The following APLF variants were observed in gnomAD, a reference collection of about 807,000 sequenced individuals.
The protein encoded by APLF is aprataxin and PNK-like factor.
APLF carries 61 observed loss-of-function variants against 55.6 expected under a neutral mutation model. The ratio of observed to expected loss-of-function variants is 1.10; its 90% CI spans 0.89 to 1.36. The LOEUF is 1.36. APLF is among the 40% of genes most tolerant of loss of function. APLF has a pLI of 0.00. For missense variants in APLF, 611 were observed against 602.5 expected (o/e 1.01, Z -0.15); for synonymous variants, 207 against 214.8 (o/e 0.96, Z 0.32).
At chr2:68,467,852 G>A (rs1411440281) in intron 1 of APLF, 25 bp downstream of exon 1, 25 of 1,230,548 alleles carry the variant, frequency 2.0e-5, no homozygotes, top group Non-Finnish European at 2.5e-5. Flanking sequence ...GGGCTTAGCG[G>A]ACCCCGAGAG....
intron 2 of APLF, among the ~76,000 whole-genome samples, chr2:68,495,918 G>T (rs1043795520): frequency 5.9e-5 from 9 of 152,186 alleles, no homozygotes; most frequent in African/African-American, 2.2e-4. Context: ...CCAGAGCAGT[G>T]GGAATATGGA....
At position 68,526,196 on chromosome 2, in the gene APLF, A is replaced by G; in HGVS notation, c.758A>G (p.Glu253Gly). ...ENTSAEQDTGEECKNTDQEES... is the reference protein window; with the variant it reads ...ENTSAEQDTGGECKNTDQEES... ...ACATCAGCAGAACAAGACACAGGAGAAGAGTGCAAAAATACTGATCAGGAA... is the reference window on the plus strand; with the variant it reads ...ACATCAGCAGAACAAGACACAGGAGGAGAGTGCAAAAATACTGATCAGGAA... Residue 253 changes from glutamate to glycine, a missense_variant, in exon 6 of 10, where the codon GAA (glutamate) becomes GGA (glycine). Glu to Gly is a moderately conservative substitution (Grantham distance 98). Transcript: ENST00000303795. 6.2e-7 allele frequency: 1 copy of G among 1,613,450 alleles called. No individual in the cohort carries two copies. Among genetic ancestry groups the G allele is most frequent in the East Asian group, 2.2e-5 (1 of 44,838 alleles).
At chr2:68,480,339 C>G (rs184155572) in intron 1 of APLF, among the ~76,000 whole-genome samples, 20 of 149,496 alleles carry the variant, frequency 1.3e-4, no homozygotes, top group African/African-American at 4.9e-4. Context: ...GAGTTTCACT[C>G]TGCCACCCAG....
intron 2 of APLF, among the ~76,000 whole-genome samples, chr2:68,492,843 T>C (rs1447071447): frequency 6.6e-6 from 1 of 152,216 alleles, no homozygotes; most frequent in African/African-American, 2.4e-5. Flanking sequence ...TACCTCTGTT[T>C]ATGATCTTTT....
intron 1 of APLF, among the ~76,000 whole-genome samples, chr2:68,489,732 T>C (rs1484765674): frequency 6.6e-6 from 1 of 152,226 alleles, no homozygotes; most frequent in African/African-American, 2.4e-5. Flanking sequence ...CCAAAGCCTA[T>C]AGTCAGACCC....
At chr2:68,482,619 G>A (rs1675999283) in intron 1 of APLF, among the ~76,000 whole-genome samples, 1 of 152,154 alleles carries the variant, frequency 6.6e-6, no homozygotes. Flanking sequence ...TTAGGGTGCA[G>A]ACATGTTGTG....
chr2:68,537,802 GTGCTGTTA>G, intron 6 of APLF, 62 bp from the exon 7 acceptor site: 1 of 1,123,072 alleles, frequency 8.9e-7, no homozygotes, highest in Non-Finnish European at 1.3e-6. Flanking sequence ...TTGTAGTTTT[GTGCTGTTA>G]TGCTCATATC....
At chr2:68,546,416 T>A (rs558116063) in intron 8 of APLF, among the ~76,000 whole-genome samples, 36 of 152,020 alleles carry the variant, frequency 2.4e-4, no homozygotes, top group Middle Eastern at 3.4e-3. Flanking sequence ...ATTCATGATG[T>A]GAGACCAGCA....
chr2:68,530,845 A>G (rs1670233048), intron 6 of APLF, among the ~76,000 whole-genome samples: 1 of 152,098 alleles, frequency 6.6e-6, no homozygotes, highest in Non-Finnish European at 1.5e-5. Context: ...GAAACCATCT[A>G]TATTCAAAGA....
intron 8 of APLF, among the ~76,000 whole-genome samples, chr2:68,565,708 A>T (rs1385554398): frequency 6.6e-6 from 1 of 152,124 alleles, no homozygotes; most frequent in Non-Finnish European, 1.5e-5. Context: ...GGAGGAAAAA[A>T]TGCAATATTT....
intron 8 of APLF, 77 bp downstream of exon 8, chr2:68,545,389 C>T: frequency 6.8e-7 from 1 of 1,472,396 alleles, no homozygotes. Context: ...CTGACAGCAG[C>T]TTGTTATCTC....
intron 5 of APLF, among the ~76,000 whole-genome samples, chr2:68,518,293 A>C (rs1268760680): frequency 8.7e-6 from 1 of 115,490 alleles, no homozygotes; most frequent in African/African-American, 3.5e-5. Flanking sequence ...ATATTAATAT[A>C]TTAATATATT....
Position 68,480,355 on chromosome 2 carries a change from A to C in APLF, c.97-9835A>C, listed in dbSNP as rs567808594. ...AGTTTCACTCTGCCACCCAGGCTGG[A>C]GTGCGGTGGCATGATCTCGGCTCAC... On this transcript the variant is annotated intron_variant, in intron 1 of 9. Transcript: ENST00000303795. 2.0e-5 allele frequency among the ~76,000 whole-genome samples: 3 copies of C among 147,796 alleles called. No homozygotes were observed. The South Asian group carries it at 6.4e-4, about 32-fold the overall frequency.
At chr2:68,475,923 A>C (rs1675758070) in intron 1 of APLF, among the ~76,000 whole-genome samples, 1 of 151,602 alleles carries the variant, frequency 6.6e-6, no homozygotes, top group Non-Finnish European at 1.5e-5. Flanking sequence ...GCTCCACAAA[A>C]GTAGAAGGAA....
At chr2:68,550,530 C>G (rs762891649) in intron 8 of APLF, among the ~76,000 whole-genome samples, 1 of 152,042 alleles carries the variant, frequency 6.6e-6, no homozygotes, top group African/African-American at 2.4e-5. Context: ...CCACACCAAC[C>G]CCATTTACAT....
In APLF at chr2:68,513,621, C is replaced by G. The variant is rs749374032; in HGVS notation, c.563C>G (p.Thr188Ser). ...ILAERKRILP[T>S]WMLAEHLSDQ... ...GCCGAGAGGAAAAGAATCCTTCCAACTTGGATGTTAGCAGAACATTTAAGT... is the reference window on the plus strand; with the variant it reads ...GCCGAGAGGAAAAGAATCCTTCCAAGTTGGATGTTAGCAGAACATTTAAGT... The change falls in exon 5 of 10, where the codon ACT becomes AGT. Residue 188 changes from threonine to serine, a missense_variant. Transcript: ENST00000303795. 2 of 1,611,528 alleles carry G rather than the reference C, an allele frequency of 1.2e-6. No individual in the cohort carries two copies. The highest frequency in any genetic ancestry group is 1.7e-6 in the Non-Finnish European group (2 of 1,178,324).
intron 9 of APLF, among the ~76,000 whole-genome samples, chr2:68,572,273 A>G (rs72903942): frequency 6.6e-6 from 1 of 152,162 alleles, no homozygotes; most frequent in African/African-American, 2.4e-5. Context: ...AATACCAACT[A>G]GTTGCTTAGT....
chr2:68,513,849 G>A (rs957344310), intron 5 of APLF, among the ~76,000 whole-genome samples, 169 bp downstream of exon 5: 1 of 151,622 alleles, frequency 6.6e-6, no homozygotes, highest in Non-Finnish European at 1.5e-5. Flanking sequence ...CTAAAACATA[G>A]GCTATTACTT....
chr2:68,490,218 A>G lies in APLF; in HGVS notation c.125A>G (p.His42Arg), dbSNP rs147962002. The G allele has an allele frequency of 1.2e-6, 2 of 1,612,316 alleles. No individual in the cohort carries two copies. The highest frequency in any genetic ancestry group is 2.2e-5 in the East Asian group (1 of 44,784). The stretch of plus-strand genomic sequence containing the variant: ...ACAGACAAGAGAGTATCCAGAAGAC[A>G]TGCCATTCTTGAGGTGGCAGGTGGT... ...GITDKRVSRR[H>R]AILEVAGGQL... Residue 42 changes from histidine to arginine, a missense_variant, in exon 2 of 10, where the codon CAT becomes CGT. His to Arg is a conservative substitution (Grantham distance 29). Transcript: ENST00000303795.
Sources: gnomAD v4.1 joint callset for allele counts (sites outside exome capture counted in the v4.1 genomes callset) on GRCh38, gnomAD v4.1.1 for gene constraint, MANE v1.5 for transcripts, NCBI Gene and HGNC (gene_info 2026-07-23, HGNC 2026-07-21) for gene names.